The following GPR39 variants were observed in gnomAD, a reference collection of about 807,000 sequenced individuals.
The protein encoded by GPR39 is G protein-coupled receptor 39, also known as zinc sensing receptor.
GPR39 carries 23 observed loss-of-function variants against 18.4 expected under a neutral mutation model. The observed-to-expected ratio is 1.25, with a 90% confidence interval of 0.90 to 1.77. The LOEUF (loss-of-function observed/expected upper bound fraction) is 1.77, where lower values mean the gene tolerates loss of function less well. Ranked by LOEUF, GPR39 falls within the 40% of genes most tolerant of loss-of-function variation. The pLI is 0.00. For synonymous variants in GPR39, 280 were observed against 257.9 expected, an observed-to-expected ratio of 1.09 and a Z score of -0.82; for missense variants, 647 against 602.4, an observed-to-expected ratio of 1.07 and a Z score of -0.78.
chr2:132,537,644 A>C (rs112324171), intron 1 of GPR39, among the ~76,000 whole-genome samples: 62 of 152,058 alleles, frequency 4.1e-4, no homozygotes, highest in African/African-American at 1.4e-3. Flanking sequence ...GTGTTTTCCA[A>C]CTTGGTTCCA....
chr2:132,576,249 T>A (rs750402974), intron 1 of GPR39, among the ~76,000 whole-genome samples: 1 of 152,144 alleles, frequency 6.6e-6, no homozygotes, highest in Non-Finnish European at 1.5e-5. Flanking sequence ...TTTCTCTCAG[T>A]TGGTTGCTTA....
intron 1 of GPR39, among the ~76,000 whole-genome samples, chr2:132,599,320 G>A (rs556052233): frequency 9.2e-5 from 14 of 152,282 alleles, no homozygotes; most frequent in African/African-American, 3.1e-4. Context: ...ATAATCAGAA[G>A]AGCATGGTGA....
intron 1 of GPR39, among the ~76,000 whole-genome samples, chr2:132,575,233 A>G (rs1462830347): frequency 6.6e-6 from 1 of 152,214 alleles, no homozygotes; most frequent in Non-Finnish European, 1.5e-5. Context: ...AGTCAGATCT[A>G]TCTTTCCATT....
intron 1 of GPR39, among the ~76,000 whole-genome samples, chr2:132,543,223 G>A (rs1051550732): frequency 6.6e-6 from 1 of 152,148 alleles, no homozygotes; most frequent in South Asian, 2.1e-4. Flanking sequence ...CCCTTTCACA[G>A]TTGAATACCA....
chr2:132,447,805 G>A (rs1007734025), intron 1 of GPR39, among the ~76,000 whole-genome samples: 2 of 152,186 alleles, frequency 1.3e-5, no homozygotes, highest in Non-Finnish European at 2.9e-5. Context: ...TTTTGATAAA[G>A]CTATTGACCT....
chr2:132,493,111 TATATACACATTCC>T (rs1681536752), intron 1 of GPR39, among the ~76,000 whole-genome samples: 4 of 132,786 alleles, frequency 3.0e-5, no homozygotes, highest in African/African-American at 1.1e-4. Context: ...ATATATACCA[TATATACACATTCC>T]ATATATATAC....
intron 1 of GPR39, among the ~76,000 whole-genome samples, chr2:132,428,660 A>C (rs1188440711): frequency 6.6e-6 from 1 of 152,210 alleles, no homozygotes. Flanking sequence ...TCCCTGGAAT[A>C]CCTATGTCCT....
At chr2:132,639,033 T>C (rs1681814781) in intron 1 of GPR39, among the ~76,000 whole-genome samples, 2 of 152,086 alleles carry the variant, frequency 1.3e-5, no homozygotes. Context: ...TCCTTAACTT[T>C]CTGTGTGAAT....
At chr2:132,479,419 A>G (rs1681190074) in intron 1 of GPR39, among the ~76,000 whole-genome samples, 1 of 152,238 alleles carries the variant, frequency 6.6e-6, no homozygotes, top group African/African-American at 2.4e-5. Flanking sequence ...AAAAGAAAGC[A>G]TGGGACCTAC....
intron 1 of GPR39, among the ~76,000 whole-genome samples, chr2:132,526,571 G>A (rs1679512975): frequency 6.6e-6 from 1 of 152,222 alleles, no homozygotes; most frequent in Non-Finnish European, 1.5e-5. Flanking sequence ...GGTGGGCTTA[G>A]TGTTGCCTGC....
At chr2:132,447,222 G>A (rs1256005550) in intron 1 of GPR39, among the ~76,000 whole-genome samples, 1 of 152,112 alleles carries the variant, frequency 6.6e-6, no homozygotes, top group Admixed American at 6.5e-5. Context: ...GGGCCCAGTA[G>A]ATTCTGTTCA....
At chr2:132,568,031 A>G (rs1398400497) in intron 1 of GPR39, among the ~76,000 whole-genome samples, 1 of 152,074 alleles carries the variant, frequency 6.6e-6, no homozygotes, top group Non-Finnish European at 1.5e-5. Context: ...ATTTGTCTTT[A>G]TCTGCTGGTG....
At chr2:132,423,792 C>T (rs1680064272) in intron 1 of GPR39, among the ~76,000 whole-genome samples, 2 of 152,156 alleles carry the variant, frequency 1.3e-5, no homozygotes. Context: ...CCTTCTAATT[C>T]CTTGTGGATA....
At chr2:132,456,752 G>T (rs1558803746) in intron 1 of GPR39, among the ~76,000 whole-genome samples, 4 of 152,122 alleles carry the variant, frequency 2.6e-5, no homozygotes, top group Admixed American at 6.5e-5. Context: ...TAGTTTGGCT[G>T]GATATGAAAT....
At position 132,504,734 on chromosome 2, in the gene GPR39, C is replaced by A. The variant is rs189064929; in HGVS notation, c.856+86836C>A. ...AGCAAAGACTTGAAAGAATTAATAA[C>A]CATCTGGTGACTCTCTGTCACACCC... On this transcript the variant is annotated intron_variant, in intron 1 of 1. Transcript: ENST00000329321. 7.9e-5 allele frequency among the ~76,000 whole-genome samples: 12 copies of A among 152,284 alleles called. No homozygotes were observed. In the East Asian group the frequency reaches 2.1e-3, roughly 27 times the overall value.
chr2:132,484,667 A>G (rs1681297917), intron 1 of GPR39, among the ~76,000 whole-genome samples: 1 of 152,268 alleles, frequency 6.6e-6, no homozygotes, highest in Admixed American at 6.5e-5. Flanking sequence ...GGGGATGACA[A>G]GGAAAATTGC....
intron 1 of GPR39, among the ~76,000 whole-genome samples, chr2:132,503,265 T>G (rs953835678): frequency 1.3e-5 from 2 of 152,176 alleles, no homozygotes; most frequent in African/African-American, 4.8e-5. Context: ...AGGAGTGCTA[T>G]TTTGATGTGG....
At chr2:132,577,622 A>C (rs1183190939) in intron 1 of GPR39, among the ~76,000 whole-genome samples, 1 of 152,154 alleles carries the variant, frequency 6.6e-6, no homozygotes, top group African/African-American at 2.4e-5. Flanking sequence ...TTTATATATA[A>C]ATATTTTCTT....
intron 1 of GPR39, among the ~76,000 whole-genome samples, chr2:132,560,467 T>A (rs1680231840): frequency 6.6e-6 from 1 of 152,142 alleles, no homozygotes; most frequent in Admixed American, 6.5e-5. Context: ...GTAGTTTCTC[T>A]CTCCTTCGTC....
Sources: allele counts gnomAD v4.1 joint callset (sites outside exome capture counted in the v4.1 genomes callset), GRCh38; gene constraint gnomAD v4.1.1; transcripts MANE v1.5; gene names NCBI Gene and HGNC (gene_info 2026-07-23, HGNC 2026-07-21).